TNR: variants seen among roughly 807,000 people sequenced by gnomAD.
TNR encodes tenascin R, also known as tenascin-R.
TNR carries 45 observed loss-of-function variants against 150.4 expected under a neutral mutation model. The ratio of observed to expected loss-of-function variants is 0.30; its 90% CI spans 0.24 to 0.38. The LOEUF (loss-of-function observed/expected upper bound fraction) is 0.38, where lower values mean the gene tolerates loss of function less well. TNR is among the 10% of genes least tolerant of loss of function. The pLI is 1.00. For synonymous variants in TNR, 687 were observed against 678.4 expected, an observed-to-expected ratio of 1.01 and a Z score of -0.20; for missense variants, 1,544 against 1,759.1, an observed-to-expected ratio of 0.88 and a Z score of 2.19.
intron 9 of TNR, among the ~76,000 whole-genome samples, chr1:175,373,325 G>T (rs1054312593): frequency 6.6e-6 from 1 of 152,184 alleles, no homozygotes; most frequent in African/African-American, 2.4e-5. Context: ...GAGGTTTCAT[G>T]GGGGAGATAT....
intron 1 of TNR, among the ~76,000 whole-genome samples, chr1:175,693,727 C>T (rs904225165): frequency 6.6e-6 from 1 of 152,208 alleles, no homozygotes; most frequent in Admixed American, 6.5e-5. Flanking sequence ...ACCCTGAATG[C>T]GCCCAATCTC....
chr1:175,670,745 G>GT (rs1469191006), intron 1 of TNR, among the ~76,000 whole-genome samples: 1 of 152,174 alleles, frequency 6.6e-6, no homozygotes, highest in Non-Finnish European at 1.5e-5. Context: ...AGCGTGAATG[G>GT]TTTTAGAGAG....
rs147463234 is a variant in TNR at position 175,583,411 on chromosome 1, G to A, written c.-164-55042C>T. Reference sequence around the variant, plus strand: ...ATGACAAGCATCCTGCAAGAATTGCGAGACACCCAGCAGCAGGCAGCAGCA... The same window carrying A: ...ATGACAAGCATCCTGCAAGAATTGCAAGACACCCAGCAGCAGGCAGCAGCA... On this transcript the variant is annotated intron_variant, in intron 1 of 22. Transcript: ENST00000367674. 7.9e-3 allele frequency among the ~76,000 whole-genome samples: 1,205 copies of A among 152,288 alleles called. 14 individuals are homozygous for A. Among genetic ancestry groups the A allele is most frequent in the African/African-American group, 0.027 (1,140 of 41,552 alleles).
chr1:175,594,461 G>A (rs1662927028), intron 1 of TNR, among the ~76,000 whole-genome samples: 1 of 151,942 alleles, frequency 6.6e-6, no homozygotes. Context: ...ATCTCCTAAA[G>A]CATTTATTTG....
chr1:175,655,787 C>T (rs1402584545), intron 1 of TNR, among the ~76,000 whole-genome samples: 1 of 152,180 alleles, frequency 6.6e-6, no homozygotes, highest in Admixed American at 6.5e-5. Flanking sequence ...ATGTCCTGCC[C>T]TGTGAGGGAG....
At chr1:175,520,249 G>C (rs1158519424) in intron 2 of TNR, among the ~76,000 whole-genome samples, 4 of 152,142 alleles carry the variant, frequency 2.6e-5, no homozygotes, top group Admixed American at 6.5e-5. Context: ...CTGTGATTCT[G>C]GTATCAGATG....
chr1:175,577,647 C>A (rs1260367384), intron 1 of TNR, among the ~76,000 whole-genome samples: 4 of 151,958 alleles, frequency 2.6e-5, no homozygotes, highest in African/African-American at 9.7e-5. Flanking sequence ...ACTGACCCTT[C>A]CTGCGCCTGT....
intron 1 of TNR, among the ~76,000 whole-genome samples, chr1:175,727,035 G>T (rs1046665043): frequency 6.6e-6 from 1 of 152,110 alleles, no homozygotes; most frequent in Non-Finnish European, 1.5e-5. Context: ...CTTTCTCCCT[G>T]CCTACTCCTT....
intron 16 of TNR, 87 bp from the exon 17 acceptor site, chr1:175,355,720 C>T: frequency 1.3e-6 from 2 of 1,569,030 alleles, no homozygotes; most frequent in Non-Finnish European, 1.7e-6. Context: ...TGTTGCCCAC[C>T]TCTTTGGTCT....
intron 2 of TNR, among the ~76,000 whole-genome samples, chr1:175,504,414 T>C (rs1401325507): frequency 6.6e-6 from 1 of 152,120 alleles, no homozygotes; most frequent in African/African-American, 2.4e-5. Flanking sequence ...GCAGTGAACA[T>C]AGCTCACTAG....
intron 18 of TNR, among the ~76,000 whole-genome samples, chr1:175,347,922 G>A (rs1477478673): frequency 2.0e-5 from 3 of 151,730 alleles, no homozygotes; most frequent in African/African-American, 7.3e-5. Context: ...GATAAGAAAA[G>A]AAAAATAAAT....
intron 1 of TNR, among the ~76,000 whole-genome samples, chr1:175,659,642 A>G (rs543271106): frequency 6.6e-6 from 1 of 152,172 alleles, no homozygotes. Flanking sequence ...CTCATCAAGC[A>G]CTGCTTCTTC....
chr1:175,663,975 T>C (rs1432226249), intron 1 of TNR, among the ~76,000 whole-genome samples: 15 of 152,144 alleles, frequency 9.9e-5, no homozygotes, highest in African/African-American at 3.4e-4. Context: ...CATTTAGAAC[T>C]GTCCAAGTGT....
At chr1:175,741,107 T>C (rs368940087) in intron 1 of TNR, among the ~76,000 whole-genome samples, 1 of 152,206 alleles carries the variant, frequency 6.6e-6, no homozygotes, top group East Asian at 1.9e-4. Context: ...AGAGAGGCCA[T>C]TGCTCCACAC....
intron 18 of TNR, among the ~76,000 whole-genome samples, chr1:175,349,540 CAAAGT>C (rs1344097564): frequency 5.9e-5 from 9 of 152,062 alleles, no homozygotes; most frequent in Admixed American, 5.9e-4. Context: ...TATTTATACT[CAAAGT>C]AATTTTACAA....
intron 1 of TNR, among the ~76,000 whole-genome samples, chr1:175,622,141 T>G (rs1363153542): frequency 6.6e-6 from 1 of 152,258 alleles, no homozygotes; most frequent in Non-Finnish European, 1.5e-5. Flanking sequence ...ATCTTACATA[T>G]TGAATGTAGA....
chr1:175,615,935 C>A (rs1265359385), intron 1 of TNR, among the ~76,000 whole-genome samples: 1 of 152,214 alleles, frequency 6.6e-6, no homozygotes, highest in Non-Finnish European at 1.5e-5. Context: ...ATGCTCAATG[C>A]TAGGAGTTTC....
chr1:175,395,141 A>G (rs1466804806), intron 5 of TNR, among the ~76,000 whole-genome samples: 1 of 152,156 alleles, frequency 6.6e-6, no homozygotes, highest in Non-Finnish European at 1.5e-5. Context: ...GCGGAGTCCA[A>G]AATTATAGCA....
In TNR at chr1:175,535,970, G is replaced by A. The variant is rs529595262; in HGVS notation, c.-164-7601C>T. 1.3e-4 allele frequency among the ~76,000 whole-genome samples: 20 copies of A among 152,170 alleles called. No homozygotes were observed. In the East Asian group the frequency reaches 3.5e-3, roughly 26 times the overall value. The stretch of plus-strand genomic sequence containing the variant: ...TAATTTTTCACCAATAGAAATCACA[G>A]ATATTTTTATATCTCATTACAGTTG... On this transcript the variant is annotated intron_variant, in intron 1 of 22. Coordinates refer to ENST00000367674, the MANE Select transcript of TNR (RefSeq NM_003285.3).
Sources: allele counts gnomAD v4.1 joint callset (sites outside exome capture counted in the v4.1 genomes callset), GRCh38; gene constraint gnomAD v4.1.1; transcripts MANE v1.5; gene names NCBI Gene and HGNC (gene_info 2026-07-23, HGNC 2026-07-21).